The following SFSWAP variants were observed in gnomAD, a reference collection of about 807,000 sequenced individuals.
The protein encoded by SFSWAP is splicing factor, suppressor of white-apricot homolog.
A neutral mutation model predicts 100.7 loss-of-function variants in SFSWAP; 17 were observed. That is an observed-to-expected ratio of 0.17 (90% confidence interval 0.12 to 0.25). The LOEUF (loss-of-function observed/expected upper bound fraction) is 0.25. Among genes scored for constraint, SFSWAP ranks in the 10% least tolerant of loss-of-function variants. The pLI, the probability that SFSWAP is intolerant of heterozygous loss-of-function variation, is 1.00. For missense variants in SFSWAP, 1,005 were observed against 1,262.6 expected (o/e 0.80, Z 3.09); for synonymous variants, 504 against 510.1 (o/e 0.99, Z 0.16).
intron 7 of SFSWAP, among the ~76,000 whole-genome samples, chr12:131,742,053 A>G (rs917324595): frequency 6.6e-6 from 1 of 151,884 alleles, no homozygotes; most frequent in Non-Finnish European, 1.5e-5. Context: ...GGGAAGACCT[A>G]TCCTCTGCTG....
At chr12:131,750,170 A>T (rs1004427325) in intron 7 of SFSWAP, among the ~76,000 whole-genome samples, 3 of 152,258 alleles carry the variant, frequency 2.0e-5, no homozygotes, top group Middle Eastern at 3.4e-3. Flanking sequence ...CCTCCCTTAG[A>T]TCTTCACATC....
rs1044082808 is a variant in SFSWAP, at chr12:131,734,985, G to A, written c.1081+6557G>A. On this transcript the variant is annotated intron_variant, in intron 7 of 17. Transcript: ENST00000261674. The surrounding 1 kb of genome is among the most constrained non-coding windows in gnomAD (Gnocchi z 4.9). Reference sequence around the variant, plus strand: ...GGAAGCGACTGTCCGTGAAGGTGACGCTCATACCGTAACCTTAGCAGCAGG... The same window carrying A: ...GGAAGCGACTGTCCGTGAAGGTGACACTCATACCGTAACCTTAGCAGCAGG... Among the ~76,000 whole-genome samples the A allele has an allele frequency of 2.6e-5, 4 of 152,150 alleles. No individual in the cohort carries two copies. Among genetic ancestry groups the A allele is most frequent in the Non-Finnish European group, 2.9e-5 (2 of 68,024 alleles).
At chr12:131,770,584 G>T (rs756769336) in intron 13 of SFSWAP, among the ~76,000 whole-genome samples, 2 of 151,732 alleles carry the variant, frequency 1.3e-5, no homozygotes, top group African/African-American at 4.8e-5. Flanking sequence ...CTAGAGAAAG[G>T]TATAAAACAA....
intron 7 of SFSWAP, among the ~76,000 whole-genome samples, chr12:131,731,095 T>G (rs1879460288): frequency 6.6e-6 from 1 of 151,814 alleles, no homozygotes; most frequent in Non-Finnish European, 1.5e-5. Context: ...GTGGGGGAGG[T>G]GTCCTCATCC....
chr12:131,795,979 A>AGGGGG (rs1419466247), intron 15 of SFSWAP: 1 of 76,414 alleles, frequency 1.3e-5, no homozygotes, highest in Non-Finnish European at 2.6e-5. Flanking sequence ...GGGGAGGGAT[A>AGGGGG]GGGGAGGGGA....
intron 7 of SFSWAP, among the ~76,000 whole-genome samples, chr12:131,751,680 TTGGACCATCAG>T (rs1387244406): frequency 2.0e-5 from 3 of 152,266 alleles, no homozygotes; most frequent in African/African-American, 7.2e-5. Flanking sequence ...GAAGCCTATG[TTGGACCATCAG>T]GTCAGTTCGT....
At chr12:131,763,985 G>A (rs1471368384) in intron 11 of SFSWAP, among the ~76,000 whole-genome samples, 2 of 152,074 alleles carry the variant, frequency 1.3e-5, no homozygotes, top group East Asian at 1.9e-4. Context: ...ATTTAGCCAG[G>A]CATGGCAGCG....
At chr12:131,780,219 C>T (rs550298577) in intron 14 of SFSWAP, among the ~76,000 whole-genome samples, 3 of 152,316 alleles carry the variant, frequency 2.0e-5, no homozygotes, top group Admixed American at 1.3e-4. Context: ...GTGTTTTAAA[C>T]GTTTCATCAC....
At chr12:131,720,024 C>G (rs1878323700) in intron 4 of SFSWAP, among the ~76,000 whole-genome samples, 1 of 152,174 alleles carries the variant, frequency 6.6e-6, no homozygotes, top group South Asian at 2.1e-4. Context: ...CCCAGGCCAC[C>G]CTTCCACTGA....
chr12:131,786,934 A>G (rs1216329700), intron 15 of SFSWAP, among the ~76,000 whole-genome samples: 2 of 152,096 alleles, frequency 1.3e-5, no homozygotes, highest in Non-Finnish European at 2.9e-5. Context: ...CAGAAGGAAA[A>G]TGCAAGCTTC....
chr12:131,763,608 T>C (rs1882855146), intron 11 of SFSWAP, among the ~76,000 whole-genome samples: 1 of 152,164 alleles, frequency 6.6e-6, no homozygotes, highest in East Asian at 1.9e-4. Flanking sequence ...GGTTTGACAT[T>C]TTCTTACAGG....
Position 131,775,191 on chromosome 12 carries a change from C to T in SFSWAP, c.2143-2874C>T, listed in dbSNP as rs189279465. 1.4e-4 allele frequency among the ~76,000 whole-genome samples: 22 copies of T among 152,306 alleles called. No homozygotes were observed. In the East Asian group the frequency reaches 3.5e-3, roughly 24 times the overall value. On this transcript the variant is annotated intron_variant, in intron 13 of 17. Transcript: ENST00000261674. ...GTGGAGAGAGTAAATGAGGAGAGTT[C>T]TTCACCAGAAAAAGACAGCAAAGAC...
intron 13 of SFSWAP, among the ~76,000 whole-genome samples, chr12:131,775,731 G>A (rs1484833551): frequency 6.6e-6 from 1 of 152,074 alleles, no homozygotes; most frequent in African/African-American, 2.4e-5. Context: ...TGCCAGAGTG[G>A]GGGTGTTCTT....
intron 15 of SFSWAP, among the ~76,000 whole-genome samples, chr12:131,793,422 A>G (rs1409992894): frequency 2.0e-5 from 3 of 152,164 alleles, no homozygotes. Flanking sequence ...GAACAGCTGG[A>G]TATCGGAATG....
At chr12:131,719,579 T>C in intron 4 of SFSWAP, 40 bp downstream of exon 4, 1 of 1,441,958 alleles carries the variant, frequency 6.9e-7, no homozygotes, top group South Asian at 1.1e-5. Context: ...GTCATTATTA[T>C]TTATCATAAT....
chr12:131,776,988 G>A (rs1307772477), intron 13 of SFSWAP, among the ~76,000 whole-genome samples: 2 of 152,194 alleles, frequency 1.3e-5, no homozygotes, highest in Non-Finnish European at 2.9e-5. Context: ...GTAACACTCA[G>A]ATGGAGAGGT....
chr12:131,762,763 G>A (rs994199408), intron 11 of SFSWAP, among the ~76,000 whole-genome samples: 2 of 152,064 alleles, frequency 1.3e-5, no homozygotes, highest in African/African-American at 4.8e-5. Context: ...ACCACACCCA[G>A]CTAATTTGTG....
In SFSWAP at chr12:131,778,219, G is replaced by T. The variant is rs1441863628; in HGVS notation, c.2297G>T (p.Arg766Leu). 2 of 1,614,056 alleles carry T rather than the reference G, an allele frequency of 1.2e-6. No homozygotes were observed. The highest frequency in any genetic ancestry group is 1.1e-5 in the South Asian group (1 of 91,064). ...KKKKKHKKRS[R>L]TRSRSPKYHS... Reference sequence around the variant, plus strand: ...AAGAAAAAGCACAAAAAAAGATCTCGAACAAGATCACGTTCTCCCAAGTAC... The same window carrying T: ...AAGAAAAAGCACAAAAAAAGATCTCTAACAAGATCACGTTCTCCCAAGTAC... The change falls in exon 14 of 18, where the codon CGA (arginine) becomes CTA (leucine). Residue 766 changes from arginine to leucine, a missense_variant. Physicochemically the swap from Arg to Leu is moderately radical, Grantham distance 102 (BLOSUM62 -2). Coordinates refer to ENST00000261674, the MANE Select transcript of SFSWAP (RefSeq NM_004592.4). The surrounding 1 kb of genome is among the most constrained non-coding windows in gnomAD (Gnocchi z 4.2).
At chr12:131,742,598 G>A (rs1239916883) in intron 7 of SFSWAP, among the ~76,000 whole-genome samples, 5 of 151,124 alleles carry the variant, frequency 3.3e-5, no homozygotes, top group African/African-American at 1.2e-4. Flanking sequence ...AATCCAATTT[G>A]GTGATGTCAA....
Sources: allele counts gnomAD v4.1 joint callset (sites outside exome capture counted in the v4.1 genomes callset), GRCh38; gene constraint gnomAD v4.1.1; non-coding constraint Gnocchi (gnomAD v3.1); transcripts MANE v1.5; gene names NCBI Gene and HGNC (gene_info 2026-07-23, HGNC 2026-07-21).